The following LONRF2 variants were observed in gnomAD, a reference collection of about 807,000 sequenced individuals.
LONRF2 encodes the protein LON peptidase N-terminal domain and RING finger protein 2.
Under a neutral mutation model 66.6 loss-of-function variants are expected in LONRF2, and 35 were observed. The observed-to-expected ratio is 0.53, with a 90% CI of 0.40 to 0.70. LONRF2 has a LOEUF of 0.70. Ranked by LOEUF, LONRF2 falls within the 30% of genes least tolerant of loss-of-function variation. The pLI, the probability that LONRF2 is intolerant of heterozygous loss-of-function variation, is 0.00. For missense variants in LONRF2, 902 were observed against 1,002.1 expected (o/e 0.90, Z 1.35); for synonymous variants, 417 against 418.1 (o/e 1.00, Z 0.03).
At chr2:100,317,377 GTTACTA>G (rs1675529145) in intron 1 of LONRF2, among the ~76,000 whole-genome samples, 1 of 151,968 alleles carries the variant, frequency 6.6e-6, no homozygotes, top group African/African-American at 2.4e-5. Flanking sequence ...AATTGGTACT[GTTACTA>G]CCTCCAAAAC....
intron 11 of LONRF2, among the ~76,000 whole-genome samples, chr2:100,285,090 A>C (rs763531464): frequency 3.9e-5 from 6 of 152,256 alleles, no homozygotes; most frequent in Non-Finnish European, 7.3e-5. Flanking sequence ...AGCCGATCAT[A>C]AACTCGTTCT....
intron 2 of LONRF2, among the ~76,000 whole-genome samples, chr2:100,306,788 G>A (rs1356570574): frequency 2.0e-5 from 3 of 152,028 alleles, no homozygotes; most frequent in Non-Finnish European, 4.4e-5. Context: ...CTTCCCCTCA[G>A]TGAACTTACT....
At chr2:100,289,367 A>C (rs1221533528) in intron 10 of LONRF2, among the ~76,000 whole-genome samples, 1 of 152,026 alleles carries the variant, frequency 6.6e-6, no homozygotes, top group Non-Finnish European at 1.5e-5. Flanking sequence ...TACAGCATCA[A>C]ATACAAATCA....
chr2:100,291,729 C>T (rs181884734), intron 9 of LONRF2, among the ~76,000 whole-genome samples: 81 of 152,178 alleles, frequency 5.3e-4, no homozygotes, highest in Middle Eastern at 3.4e-3. Flanking sequence ...CCCTTCACAG[C>T]CCCTACCTCT....
intron 10 of LONRF2, among the ~76,000 whole-genome samples, chr2:100,289,019 A>G (rs913861723): frequency 1.3e-5 from 2 of 152,228 alleles, no homozygotes; most frequent in East Asian, 1.9e-4. Context: ...TATTAGACAC[A>G]TGAAAAAATT....
At chr2:100,304,609 A>G (rs1448824947) in intron 2 of LONRF2, among the ~76,000 whole-genome samples, 5 of 145,722 alleles carry the variant, frequency 3.4e-5, no homozygotes, top group Non-Finnish European at 7.5e-5. Context: ...CCACTCAGAG[A>G]CAATTTTAGT....
chr2:100,320,452 A>C (rs1471645047), intron 1 of LONRF2, among the ~76,000 whole-genome samples: 1 of 152,052 alleles, frequency 6.6e-6, no homozygotes, highest in Non-Finnish European at 1.5e-5. Context: ...TTTTTTTTGC[A>C]AGACAAAATT....
At chr2:100,317,107 C>T (rs1573128481) in intron 1 of LONRF2, among the ~76,000 whole-genome samples, 1 of 152,202 alleles carries the variant, frequency 6.6e-6, no homozygotes, top group Admixed American at 6.5e-5. Context: ...CTATACTTCA[C>T]TTAATCCAAT....
intron 1 of LONRF2, 73 bp from the exon 2 acceptor site, chr2:100,309,298 T>A (rs1675364149): frequency 1.2e-6 from 1 of 864,354 alleles, no homozygotes; most frequent in Non-Finnish European, 1.9e-6. Context: ...TGTCATTACA[T>A]ATATTAAAGT....
intron 10 of LONRF2, 32 bp from the exon 11 acceptor site, chr2:100,287,095 C>A: frequency 6.2e-7 from 1 of 1,608,268 alleles, no homozygotes; most frequent in Non-Finnish European, 8.5e-7. Flanking sequence ...GCTGTGTGAA[C>A]CATTCACAGT....
intron 3 of LONRF2, among the ~76,000 whole-genome samples, chr2:100,301,664 G>A (rs891097171): frequency 1.3e-5 from 2 of 152,236 alleles, no homozygotes; most frequent in African/African-American, 4.8e-5. Flanking sequence ...GCCATAGAAT[G>A]TCCAGGGGAA....
Position 100,321,433 on chromosome 2 carries a change from C to A in LONRF2, c.661G>T (p.Asp221Tyr). The A allele has an allele frequency of 6.7e-7, 1 of 1,485,452 alleles. No homozygotes were observed. Among genetic ancestry groups the A allele is most frequent in the Non-Finnish European group, 8.9e-7 (1 of 1,128,068 alleles). 92.0% of individuals were successfully genotyped at this position (1,485,452 alleles called of 1,614,324 possible). ...GACTCACCCAGCTCCAGGGCCTGGT[C>A]GCACCTGAGCAGCGCGGCCTCCGGC... Reference protein sequence around the residue: ...QQPEAALLRCDQALELAPDDN... With the variant: ...QQPEAALLRCYQALELAPDDN... Residue 221 changes from aspartate (D) to tyrosine (Y), a missense_variant, in exon 1 of 12, where the codon GAC becomes TAC. Transcript: ENST00000393437.
At chr2:100,287,515 C>T (rs1674871716) in intron 10 of LONRF2, among the ~76,000 whole-genome samples, 1 of 152,146 alleles carries the variant, frequency 6.6e-6, no homozygotes, top group African/African-American at 2.4e-5. Context: ...TCCTAGAGAC[C>T]TTGACAGAAT....
At chr2:100,300,819 T>C (rs756503161) in intron 3 of LONRF2, 32 bp from the exon 4 acceptor site, 11 of 1,515,704 alleles carry the variant, frequency 7.3e-6, no homozygotes, top group Non-Finnish European at 9.7e-6. Context: ...AAAAAATATA[T>C]ATTTTAAAAC....
At chr2:100,316,318 C>CAAAAAAAA (rs57110532) in intron 1 of LONRF2, among the ~76,000 whole-genome samples, 3 of 100,962 alleles carry the variant, frequency 3.0e-5, no homozygotes, top group African/African-American at 1.2e-4. Flanking sequence ...GACTCCATCT[C>CAAAAAAAA]AAAAAAAAAA....
intron 1 of LONRF2, among the ~76,000 whole-genome samples, chr2:100,309,978 T>A (rs1352999026): frequency 1.3e-5 from 2 of 152,170 alleles, no homozygotes; most frequent in Non-Finnish European, 1.5e-5. Flanking sequence ...TGGCCCATAA[T>A]TTGTTTTTCT....
intron 1 of LONRF2, among the ~76,000 whole-genome samples, chr2:100,320,716 AC>A (rs1675603157): frequency 6.6e-6 from 1 of 152,228 alleles, no homozygotes; most frequent in Admixed American, 6.5e-5. Flanking sequence ...CAAAGCCAAA[AC>A]GATGACAGAA....
chr2:100,276,079 A>G lies in LONRF2; in HGVS notation c.*8219T>C, dbSNP rs1674596100. 6.6e-6 allele frequency: 1 copy of G among 152,238 alleles called. No individual in the cohort carries two copies. Among genetic ancestry groups the G allele is most frequent in the Non-Finnish European group, 1.5e-5 (1 of 68,042 alleles). 9.4% of individuals were successfully genotyped at this position (152,238 alleles called of 1,614,324 possible). ...CGCTTATACACTAAAAATGTATACAACAAATTATATACTAATATTACAAAT... is the reference window on the plus strand; with the variant it reads ...CGCTTATACACTAAAAATGTATACAGCAAATTATATACTAATATTACAAAT... On this transcript the variant is annotated 3_prime_UTR_variant, in exon 12 of 12. Coordinates refer to ENST00000393437, the MANE Select transcript of LONRF2 (RefSeq NM_198461.4).
At chr2:100,297,306 G>C (rs895953934) in intron 7 of LONRF2, among the ~76,000 whole-genome samples, 1 of 61,920 alleles carries the variant, frequency 1.6e-5, no homozygotes, top group African/African-American at 1.7e-4. Context: ...TTTTGTTTTT[G>C]TATTTTTTTT....
Sources: gnomAD v4.1 joint callset for allele counts (sites outside exome capture counted in the v4.1 genomes callset) on GRCh38, gnomAD v4.1.1 for gene constraint, MANE v1.5 for transcripts, NCBI Gene and HGNC (gene_info 2026-07-23, HGNC 2026-07-21) for gene names.